The following CCDC148 variants were observed in gnomAD, a reference collection of about 807,000 sequenced individuals.
CCDC148 encodes the protein coiled-coil domain-containing protein 148.
CCDC148 carries 89 observed loss-of-function variants against 85.7 expected under a neutral mutation model. That is an observed-to-expected ratio of 1.04 (90% CI 0.87 to 1.24). The LOEUF is 1.24. CCDC148 is among the 50% of genes most tolerant of loss of function. CCDC148 has a pLI of 0.00. For synonymous variants in CCDC148, 230 were observed against 213.9 expected (o/e 1.08, Z -0.66); for missense variants, 692 against 671.7 (o/e 1.03, Z -0.33).
At chr2:158,244,680 T>C (rs991501665) in intron 10 of CCDC148, among the ~76,000 whole-genome samples, 2 of 152,138 alleles carry the variant, frequency 1.3e-5, no homozygotes, top group African/African-American at 4.8e-5. Flanking sequence ...AAAGGGCTCA[T>C]GTGATTAGGT....
rs1574651564 is a variant in CCDC148, at chr2:158,340,454, A to C, written c.335-61T>G. Reference sequence around the variant, plus strand: ...TATTATTTTAAGTGTCTCCAAAAACAGATCATTAGAGTACAGATTTATTTG... The same window carrying C: ...TATTATTTTAAGTGTCTCCAAAAACCGATCATTAGAGTACAGATTTATTTG... On this transcript the variant is annotated intron_variant, in intron 4 of 13. Transcript: ENST00000283233. 2.6e-6 allele frequency: 4 copies of C among 1,552,748 alleles called. No individual in the cohort carries two copies. The East Asian group carries it at 9.0e-5, about 35-fold the overall frequency.
rs10664791 is a variant in CCDC148, at chr2:158,429,360, A to AATAGATAGATAG, written c.25+27043_25+27054dup. The stretch of plus-strand genomic sequence containing the variant: ...GGTAAGATTTCCTAGAAAGAGCATG[A>AATAGATAGATAG]ATAGATAGATAGATAGATAGATAGA... On this transcript the variant is annotated intron_variant, in intron 1 of 13. Coordinates refer to ENST00000283233, the MANE Select transcript of CCDC148 (RefSeq NM_138803.4). 2.3e-3 allele frequency among the ~76,000 whole-genome samples: 345 copies of AATAGATAGATAG among 149,726 alleles called. 1 individual carries two copies. The highest frequency in any genetic ancestry group is 4.9e-3 in the East Asian group (25 of 5,054).
intron 9 of CCDC148, among the ~76,000 whole-genome samples, chr2:158,296,187 A>G (rs1490783324): frequency 6.6e-6 from 1 of 152,120 alleles, no homozygotes; most frequent in Non-Finnish European, 1.5e-5. Context: ...TGTCTTCCCC[A>G]TGTTTTGTAG....
chr2:158,379,622 C>T (rs1024667142), intron 1 of CCDC148, among the ~76,000 whole-genome samples: 3 of 152,028 alleles, frequency 2.0e-5, no homozygotes, highest in African/African-American at 7.2e-5. Flanking sequence ...AAAAAATTGT[C>T]TCAGCTACCC....
At chr2:158,375,470 GC>G (rs1412934334) in intron 1 of CCDC148, among the ~76,000 whole-genome samples, 1 of 152,060 alleles carries the variant, frequency 6.6e-6, no homozygotes, top group Non-Finnish European at 1.5e-5. Flanking sequence ...AAGGCCACAA[GC>G]AAGGTTATAG....
chr2:158,389,750 AC>A (rs1400970447), intron 1 of CCDC148, among the ~76,000 whole-genome samples: 8 of 152,230 alleles, frequency 5.3e-5, no homozygotes, highest in Non-Finnish European at 1.2e-4. Flanking sequence ...CAACTTTTGC[AC>A]ATTTAAAAAA....
intron 1 of CCDC148, chr2:158,393,336 T>C (rs1038102600): frequency 5.9e-5 from 9 of 152,150 alleles, no homozygotes; most frequent in Admixed American, 4.6e-4. Flanking sequence ...GAGATCATGA[T>C]ATCGTAGCTA....
At chr2:158,226,222 CT>C (rs1232774845) in intron 10 of CCDC148, among the ~76,000 whole-genome samples, 6 of 152,100 alleles carry the variant, frequency 3.9e-5, no homozygotes, top group African/African-American at 1.4e-4. Context: ...GGATAAATTC[CT>C]CAACACATAC....
intron 7 of CCDC148, among the ~76,000 whole-genome samples, chr2:158,316,398 T>C (rs1188954714): frequency 6.6e-6 from 1 of 152,192 alleles, no homozygotes; most frequent in Non-Finnish European, 1.5e-5. Flanking sequence ...CACTTAAACA[T>C]ATGAAATGAT....
chr2:158,216,288 A>G (rs1292158631), intron 11 of CCDC148, among the ~76,000 whole-genome samples: 1 of 151,432 alleles, frequency 6.6e-6, no homozygotes, highest in African/African-American at 2.4e-5. Context: ...TCATTTTTAC[A>G]TGTTTTATTT....
At chr2:158,425,530 A>C (rs1489094518) in intron 1 of CCDC148, among the ~76,000 whole-genome samples, 1 of 152,186 alleles carries the variant, frequency 6.6e-6, no homozygotes, top group African/African-American at 2.4e-5. Context: ...GTGTTTATAC[A>C]CATTTTATTT....
chr2:158,299,708 C>A (rs1348366324), intron 9 of CCDC148, among the ~76,000 whole-genome samples: 2 of 152,170 alleles, frequency 1.3e-5, no homozygotes, highest in Admixed American at 1.3e-4. Flanking sequence ...AACTGGAACT[C>A]AGAAAACTCT....
intron 10 of CCDC148, among the ~76,000 whole-genome samples, chr2:158,223,172 C>A (rs1448590967): frequency 6.6e-6 from 1 of 152,208 alleles, no homozygotes; most frequent in East Asian, 1.9e-4. Context: ...GAGATCATAT[C>A]CCTCGCCTGG....
At chr2:158,350,437 G>A (rs758404416) in intron 2 of CCDC148, among the ~76,000 whole-genome samples, 2 of 152,060 alleles carry the variant, frequency 1.3e-5, no homozygotes, top group African/African-American at 2.4e-5. Flanking sequence ...ACTGACAAGG[G>A]TGTAGAGAAT....
intron 1 of CCDC148, among the ~76,000 whole-genome samples, chr2:158,418,671 C>G (rs1447150569): frequency 6.7e-6 from 1 of 148,796 alleles, no homozygotes; most frequent in Non-Finnish European, 1.5e-5. Context: ...GTTTTTTTTT[C>G]AGAACACTCT....
intron 1 of CCDC148, among the ~76,000 whole-genome samples, chr2:158,441,784 T>C (rs1205849149): frequency 6.6e-6 from 1 of 152,176 alleles, no homozygotes; most frequent in Non-Finnish European, 1.5e-5. Context: ...TACTCATTGA[T>C]TTATCCAGAT....
Position 158,174,872 on chromosome 2 carries a change from T to G in CCDC148, c.1629+1649A>C, listed in dbSNP as rs537829257. 2.6e-5 allele frequency among the ~76,000 whole-genome samples: 4 copies of G among 152,168 alleles called. No individual in the cohort carries two copies. In the East Asian group the frequency reaches 7.8e-4, roughly 30 times the overall value. ...AATCTTAAGGGACCACCAACATATA[T>G]GTGGTCTGTCTTTGACCAAAACACT... On this transcript the variant is annotated intron_variant, in intron 13 of 13. Coordinates refer to ENST00000283233, the MANE Select transcript of CCDC148 (RefSeq NM_138803.4).
intron 1 of CCDC148, among the ~76,000 whole-genome samples, chr2:158,364,334 A>G (rs1684105204): frequency 6.6e-6 from 1 of 152,228 alleles, no homozygotes; most frequent in Non-Finnish European, 1.5e-5. Flanking sequence ...TGGAACCAAA[A>G]AAGAGCCTGC....
At chr2:158,251,740 C>T (rs114700627) in intron 9 of CCDC148, among the ~76,000 whole-genome samples, 4,969 of 151,760 alleles carry the variant, frequency 0.033, 149 homozygotes, top group Non-Finnish European at 0.043. Flanking sequence ...AAAATATCCA[C>T]GACATATTGT....
Sources: allele counts gnomAD v4.1 joint callset (sites outside exome capture counted in the v4.1 genomes callset), GRCh38; gene constraint gnomAD v4.1.1; transcripts MANE v1.5; gene names NCBI Gene and HGNC (gene_info 2026-07-23, HGNC 2026-07-21).